EHMT1: variants seen among roughly 807,000 people sequenced by gnomAD.
EHMT1 encodes euchromatic histone lysine methyltransferase 1.
A neutral mutation model predicts 147.2 loss-of-function variants in EHMT1; 15 were observed. The observed-to-expected ratio is 0.10, with a 90% confidence interval of 0.07 to 0.16. EHMT1 has a LOEUF of 0.16. Ranked by LOEUF, EHMT1 falls within the 10% of genes least tolerant of loss-of-function variation. EHMT1 has a pLI of 1.00. For missense variants in EHMT1, 1,587 were observed against 1,772.4 expected (o/e 0.90, Z 1.88); for synonymous variants, 795 against 709.6 (o/e 1.12, Z -1.91).
In EHMT1 at chr9:137,776,489, C is replaced by A. The variant is rs1288722464; in HGVS notation, c.1792-129C>A. The A allele has an allele frequency of 4.6e-6, 4 of 867,552 alleles. No individual in the cohort carries two copies. The highest frequency in any genetic ancestry group is 5.5e-6 in the Non-Finnish European group (3 of 541,600). The allele number at this position is 867,552 out of a possible 1,614,324, so 53.7% of individuals were successfully genotyped here. The stretch of plus-strand genomic sequence containing the variant: ...CGATGCCTGGGGCCAAGACTGGACC[C>A]CACCCCGACCCATGGCTCACTCTGC... On this transcript the variant is annotated intron_variant, in intron 11 of 26. Coordinates refer to ENST00000460843, the MANE Select transcript of EHMT1 (RefSeq NM_024757.5). This position sits in a 1 kb window ranked among gnomAD's most constrained non-coding sequence, Gnocchi z 4.4.
intron 1 of EHMT1, among the ~76,000 whole-genome samples, chr9:137,694,557 T>C (rs182433842): frequency 6.6e-6 from 1 of 152,284 alleles, no homozygotes; most frequent in Admixed American, 6.5e-5. Context: ...TTCTGATAGG[T>C]TCCATGAATT....
chr9:137,710,430 G>A (rs532628806), intron 1 of EHMT1, among the ~76,000 whole-genome samples: 11 of 152,292 alleles, frequency 7.2e-5, no homozygotes, highest in African/African-American at 2.2e-4. Context: ...CCGAGATCGC[G>A]CCACTGTACT....
Position 137,775,134 on chromosome 9 carries a change from T to C in EHMT1, c.1673T>C (p.Val558Ala), listed in dbSNP as rs1400394207. 1 of 1,614,028 alleles carries C rather than the reference T, an allele frequency of 6.2e-7. No homozygotes were observed. Among genetic ancestry groups the C allele is most frequent in the Admixed American group, 1.7e-5 (1 of 60,022 alleles). ...TTGGGCCGGTGCACAAACAGCGTGG[T>C]CAAGTATGAGCTGATGCGCCCCTCC... ...HELGRCTNSVVKYELMRPSNK... is the reference protein window; with the variant it reads ...HELGRCTNSVAKYELMRPSNK... Residue 558 changes from valine to alanine, a missense_variant, in exon 11 of 27, where the codon GTC becomes GCC. Physicochemically the swap from Val to Ala is moderately conservative, Grantham distance 64. This residue lies in a region of EHMT1 where 124 missense variants were observed against 197.8 expected (regional missense o/e 0.63). Transcript: ENST00000460843. The surrounding 1 kb of genome is among the most constrained non-coding windows in gnomAD (Gnocchi z 6.1).
At chr9:137,650,950 C>T (rs1218583742) in intron 1 of EHMT1, 3 of 152,262 alleles carry the variant, frequency 2.0e-5, no homozygotes, top group African/African-American at 7.2e-5. Flanking sequence ...GTGGTTCCAG[C>T]TACTCAGGAG....
At chr9:137,664,556 GC>G (rs1359762886) in intron 1 of EHMT1, among the ~76,000 whole-genome samples, 1 of 151,928 alleles carries the variant, frequency 6.6e-6, no homozygotes, top group Non-Finnish European at 1.5e-5. Context: ...ACTGCGCCTG[GC>G]CCGATACTCT....
At chr9:137,654,245 T>C (rs972550108) in intron 1 of EHMT1, among the ~76,000 whole-genome samples, 2 of 152,060 alleles carry the variant, frequency 1.3e-5, no homozygotes, top group African/African-American at 4.8e-5. Flanking sequence ...GTGCCTGTAG[T>C]CCCAGCTGTT....
At chr9:137,737,810 T>G (rs963391599) in intron 4 of EHMT1, among the ~76,000 whole-genome samples, 1 of 152,156 alleles carries the variant, frequency 6.6e-6, no homozygotes, top group East Asian at 1.9e-4. Flanking sequence ...GGAGAAAATA[T>G]CTGCAAATCC....
At chr9:137,735,469 T>C (rs1382677177) in intron 4 of EHMT1, among the ~76,000 whole-genome samples, 2 of 152,004 alleles carry the variant, frequency 1.3e-5, no homozygotes, top group Non-Finnish European at 2.9e-5. Flanking sequence ...AAGAAGACAG[T>C]AGTGCAAGAA....
rs533982309 is a variant in EHMT1, at chr9:137,711,192, C to T, written c.85+162C>T. On this transcript the variant is annotated intron_variant, in intron 2 of 26. Coordinates refer to ENST00000460843, the MANE Select transcript of EHMT1 (RefSeq NM_024757.5). ...ATCCCATTCCTAAATAGCACAGTTG[C>T]ACAGACAAACACAAAAGCTCTGCCA... 1.1e-4 allele frequency among the ~76,000 whole-genome samples: 17 copies of T among 152,254 alleles called. 1 individual carries two copies. In the South Asian group the frequency reaches 2.1e-3, roughly 19 times the overall value.
intron 1 of EHMT1, among the ~76,000 whole-genome samples, chr9:137,673,990 T>G (rs1437487243): frequency 6.6e-6 from 1 of 152,146 alleles, no homozygotes; most frequent in East Asian, 1.9e-4. Context: ...TCTGTTGTCT[T>G]GGAATAGAGC....
Position 137,735,932 on chromosome 9 carries a change from A to G in EHMT1, c.823+7403A>G, listed in dbSNP as rs149169962. 9.2e-5 allele frequency among the ~76,000 whole-genome samples: 14 copies of G among 152,298 alleles called. No homozygotes were observed. The East Asian group carries it at 2.7e-3, about 29-fold the overall frequency. ...GCCCTACCAGGTGTACCTGCTCAAT[A>G]TTAAACTTTCCAGCCACCAGACTCA... On this transcript the variant is annotated intron_variant, in intron 4 of 26. Transcript: ENST00000460843.
In EHMT1 at chr9:137,732,726, C is replaced by T. The variant is rs73572126; in HGVS notation, c.823+4197C>T. Among the ~76,000 whole-genome samples, 7,678 of 152,108 alleles carry T rather than the reference C, an allele frequency of 0.05. 635 individuals are homozygous for T. Among genetic ancestry groups the T allele is most frequent in the African/African-American group, 0.17 (7,197 of 41,460 alleles). On this transcript the variant is annotated intron_variant, in intron 4 of 26. Transcript: ENST00000460843. This position sits in a 1 kb window ranked among gnomAD's most constrained non-coding sequence, Gnocchi z 4.6. ...CTTTGGCTTGAAGGTCAGGTTTCACCGGGGACCTGCTCCTATCTGCCTAGG... is the reference window on the plus strand; with the variant it reads ...CTTTGGCTTGAAGGTCAGGTTTCACTGGGGACCTGCTCCTATCTGCCTAGG...
chr9:137,710,347 C>CAA (rs1428784942), intron 1 of EHMT1, among the ~76,000 whole-genome samples: 8 of 152,046 alleles, frequency 5.3e-5, no homozygotes, highest in African/African-American at 1.4e-4. Context: ...GTGGTGTGCA[C>CAA]CTGTAGTCCC....
chr9:137,745,496 A>G (rs1347838045), intron 6 of EHMT1: 4 of 398,538 alleles, frequency 1.0e-5, no homozygotes, highest in African/African-American at 6.2e-5. Flanking sequence ...AAAACACAGC[A>G]TCATCACCCC....
intron 16 of EHMT1, among the ~76,000 whole-genome samples, chr9:137,793,181 A>G (rs575965880): frequency 6.6e-6 from 1 of 152,382 alleles, no homozygotes; most frequent in East Asian, 1.9e-4. Context: ...ATGTATTTAC[A>G]AATTATCTGA....
chr9:137,801,699 G>A (rs945776778), intron 18 of EHMT1, among the ~76,000 whole-genome samples: 20 of 152,058 alleles, frequency 1.3e-4, no homozygotes, highest in Middle Eastern at 3.4e-3. Flanking sequence ...GGGTTTTACC[G>A]TGTTGGCCAG....
intron 1 of EHMT1, among the ~76,000 whole-genome samples, chr9:137,674,306 G>T (rs189307298): frequency 2.6e-5 from 4 of 152,158 alleles, no homozygotes; most frequent in South Asian, 2.1e-4. Flanking sequence ...TCCAGGTGCC[G>T]AAAGACATTA....
chr9:137,743,966 A>T lies in EHMT1; in HGVS notation c.1046A>T (p.Asp349Val), dbSNP rs1413399062. Residue 349 changes from aspartate (D) to valine (V), a missense_variant, in exon 6 of 27, where the codon GAT (aspartate) becomes GTT (valine). Asp to Val is a radical substitution (Grantham distance 152). Coordinates refer to ENST00000460843, the MANE Select transcript of EHMT1 (RefSeq NM_024757.5). ...GGGGAGAGCCTGGAGATGGACTCGG[A>T]TGAGGACGACTCAGAGGAGCTCGAG... ...VNGESLEMDSDEDDSEELEED... is the reference protein window; with the variant it reads ...VNGESLEMDSVEDDSEELEED... 6.2e-7 allele frequency: 1 copy of T among 1,613,900 alleles called. No individual in the cohort carries two copies. Among genetic ancestry groups the T allele is most frequent in the Admixed American group, 1.7e-5 (1 of 60,010 alleles).
Position 137,800,862 on chromosome 9 carries a change from T to A in EHMT1, c.2608-18T>A. 6.2e-7 allele frequency: 1 copy of A among 1,613,028 alleles called. No individual in the cohort carries two copies. Among genetic ancestry groups the A allele is most frequent in the South Asian group, 1.1e-5 (1 of 91,042 alleles). ...CCGGTCTCTGGAGCGATGACAGCTT[T>A]GTCCTCTTCCCTGGCAGGATGACGG... On this transcript the variant is annotated intron_variant, in intron 17 of 26. Coordinates refer to ENST00000460843, the MANE Select transcript of EHMT1 (RefSeq NM_024757.5).
Sources: allele counts gnomAD v4.1 joint callset (sites outside exome capture counted in the v4.1 genomes callset), GRCh38; gene constraint gnomAD v4.1.1; regional missense constraint gnomAD v4.1.1; non-coding constraint Gnocchi (gnomAD v3.1); transcripts MANE v1.5; gene names NCBI Gene and HGNC (gene_info 2026-07-23, HGNC 2026-07-21).